The following CEBPA variants were observed in gnomAD, a reference collection of about 807,000 sequenced individuals.
CEBPA encodes the protein CCAAT/enhancer-binding protein alpha.
A neutral mutation model predicts 5.1 loss-of-function variants in CEBPA; 2 were observed. That is an observed-to-expected ratio of 0.39 (90% CI 0.16 to 1.23). The LOEUF is 1.23. CEBPA is among the 50% of genes most tolerant of loss of function. The pLI is 0.34. For missense variants in CEBPA, 455 were observed against 537.4 expected (o/e 0.85, Z 1.52); for synonymous variants, 275 against 264.1 (o/e 1.04, Z -0.40).
At position 33,301,548 on chromosome 19, in the gene CEBPA, G is replaced by C. The variant is rs1285276568; in HGVS notation, c.867C>G (p.Arg289=). 2.5e-6 allele frequency: 4 copies of C among 1,613,240 alleles called. No homozygotes were observed. Among genetic ancestry groups the C allele is most frequent in the Non-Finnish European group, 3.4e-6 (4 of 1,179,786 alleles). The stretch of plus-strand genomic sequence containing the variant: ...TGCGCACCGCGATGTTGTTGCGCTC[G>C]CGCCGCACCCGGTACTCGTTGCTGT... The part of the protein sequence containing the change: ...DKNSNEYRVR[R]ERNNIAVRKS... The change falls in exon 1 of 1, where the codon CGC becomes CGG. Residue 289 remains arginine (R), a synonymous_variant. Coordinates refer to ENST00000498907, the MANE Select transcript of CEBPA (RefSeq NM_004364.5). The surrounding 1 kb of genome is among the most constrained non-coding windows in gnomAD (Gnocchi z 6.0).
Position 33,301,825 on chromosome 19 carries a change from G to GGCGGGT in CEBPA, c.584_589dup (p.His195_Pro196dup), listed in dbSNP as rs762459325. ...GTGCGGGGCGGCCAGGTGCGCGGGC[G>GGCGGGT]GCGGGTGCGGGTGCGGGTGCGAGGG... On this transcript the variant is annotated inframe_insertion, in exon 1 of 1. Transcript: ENST00000498907. This position sits in a 1 kb window ranked among gnomAD's most constrained non-coding sequence, Gnocchi z 6.0. 0.028 allele frequency: 35,631 copies of GGCGGGT among 1,262,426 alleles called. 862 individuals are homozygous for GGCGGGT. Among genetic ancestry groups the GGCGGGT allele is most frequent in the East Asian group, 0.19 (5,370 of 28,576 alleles). The allele number at this position is 1,262,426 out of a possible 1,614,324, so 78.2% of individuals were successfully genotyped here.
In CEBPA at chr19:33,300,574, C is replaced by CACCAGGGGTAT. The variant is rs1490567012; in HGVS notation, c.*753_*763dup. ...GCCAGATCTCTAGGTCTCCCTCTCC[C>CACCAGGGGTAT]ACCAGGGGTATACATCCTCAGAGCT... is the stretch of plus-strand genomic sequence containing the variant. On this transcript the variant is annotated 3_prime_UTR_variant, in exon 1 of 1. Coordinates refer to ENST00000498907, the MANE Select transcript of CEBPA (RefSeq NM_004364.5). 4.3e-6 allele frequency: 1 copy of CACCAGGGGTAT among 233,704 alleles called. No individual in the cohort carries two copies. The highest frequency in any genetic ancestry group is 8.5e-6 in the Non-Finnish European group (1 of 118,148). 14.5% of individuals were successfully genotyped at this position (233,704 alleles called of 1,614,324 possible). A position where few individuals can be genotyped will look rare whatever the true frequency, so the allele number is the denominator to read the frequency against.
In CEBPA at chr19:33,302,061, G is replaced by A. The variant is rs1967188244; in HGVS notation, c.354C>T (p.Ala118=). The change falls in exon 1 of 1, where the codon GCC becomes GCT. Residue 118 remains alanine, a synonymous_variant. Coordinates refer to ENST00000498907, the MANE Select transcript of CEBPA (RefSeq NM_004364.5). ...GCCCGTGCGCTCCCCCGGGCATGAC[G>A]GCGCCGCCGGGGCCCGCGGGCGCGC... ...YPGAPAGPGG[A]VMPGGAHGPP... 1 of 1,216,522 alleles carries A rather than the reference G, an allele frequency of 8.2e-7. No individual in the cohort carries two copies. The highest frequency in any genetic ancestry group is 1.0e-6 in the Non-Finnish European group (1 of 973,572). The allele number at this position is 1,216,522 out of a possible 1,614,324, so 75.4% of individuals were successfully genotyped here.
chr19:33,300,375 A>G lies in CEBPA; in HGVS notation c.*963T>C, dbSNP rs879006824. 10 of 233,860 alleles carry G rather than the reference A, an allele frequency of 4.3e-5. No individual in the cohort carries two copies. The South Asian group carries it at 5.4e-4, about 13-fold the overall frequency. 14.5% of individuals were successfully genotyped at this position (233,860 alleles called of 1,614,324 possible). Reference sequence around the variant, plus strand: ...AAGGCACTGCTGGGGCACAGAGGCCAGATACAAGTGTTGATATCGGCTGAT... The same window carrying G: ...AAGGCACTGCTGGGGCACAGAGGCCGGATACAAGTGTTGATATCGGCTGAT... On this transcript the variant is annotated 3_prime_UTR_variant, in exon 1 of 1. Transcript: ENST00000498907.
chr19:33,302,093 A>T lies in CEBPA; in HGVS notation c.322T>A (p.Tyr108Asn), dbSNP rs1245991358. 7.6e-7 allele frequency: 1 copy of T among 1,310,376 alleles called. No individual in the cohort carries two copies. The highest frequency in any genetic ancestry group is 3.3e-5 in the East Asian group (1 of 30,206). The allele number at this position is 1,310,376 out of a possible 1,614,324, so 81.2% of individuals were successfully genotyped here. Residue 108 changes from tyrosine to asparagine, a missense_variant, in exon 1 of 1, where the codon TAC becomes AAC. This residue lies in a region of CEBPA where 15 missense variants were observed against 39.7 expected (regional missense o/e 0.38). Coordinates refer to ENST00000498907, the MANE Select transcript of CEBPA (RefSeq NM_004364.5). The part of the protein sequence containing the change: ...TGGGGGGDFD[Y>N]PGAPAGPGGA... ...CCGGGGCCCGCGGGCGCGCCCGGGTAGTCAAAGTCGCCGCCGCCGCCGCCG... is the reference window on the plus strand; with the variant it reads ...CCGGGGCCCGCGGGCGCGCCCGGGTTGTCAAAGTCGCCGCCGCCGCCGCCG...
rs878854700 is a variant in CEBPA, at chr19:33,302,163, G to C, written c.252C>G (p.His84Gln). ...NDEFLADLFQHSRQQEKAKAA... is the reference protein window; with the variant it reads ...NDEFLADLFQQSRQQEKAKAA... ...CCTTGGCCTTCTCCTGCTGCCGGCT[G>C]TGCTGGAACAGGTCGGCCAGGAACT... Residue 84 changes from histidine to glutamine, a missense_variant, in exon 1 of 1, where the codon CAC (histidine) becomes CAG (glutamine). By Grantham distance (24) the His-to-Gln change is conservative. Transcript: ENST00000498907. 27 of 1,472,820 alleles carry C rather than the reference G, an allele frequency of 1.8e-5. No homozygotes were observed. Among genetic ancestry groups the C allele is most frequent in the Middle Eastern group, 3.5e-4 (2 of 5,684 alleles). The allele number at this position is 1,472,820 out of a possible 1,614,324, so 91.2% of individuals were successfully genotyped here.
chr19:33,301,333 G>T lies in CEBPA; in HGVS notation c.*5C>A. The T allele has an allele frequency of 5.7e-6, 9 of 1,587,960 alleles. No individual in the cohort carries two copies. Among genetic ancestry groups the T allele is most frequent in the Non-Finnish European group, 7.7e-6 (9 of 1,172,764 alleles). Reference sequence around the variant, plus strand: ...TGGCCCAGGGCGGTCCCACAGCCGCGCGCCTCACGCGCAGTTGCCCATGGC... The same window carrying T: ...TGGCCCAGGGCGGTCCCACAGCCGCTCGCCTCACGCGCAGTTGCCCATGGC... On this transcript the variant is annotated 3_prime_UTR_variant, in exon 1 of 1. Coordinates refer to ENST00000498907, the MANE Select transcript of CEBPA (RefSeq NM_004364.5). The surrounding 1 kb of genome is among the most constrained non-coding windows in gnomAD (Gnocchi z 6.0).
At position 33,301,584 on chromosome 19, in the gene CEBPA, C is replaced by T. The variant is rs764419883; in HGVS notation, c.831G>A (p.Ser277=). The T allele has an allele frequency of 2.5e-6, 4 of 1,610,536 alleles. No individual in the cohort carries two copies. The highest frequency in any genetic ancestry group is 3.4e-6 in the Non-Finnish European group (4 of 1,179,140). ...GGTACTCGTTGCTGTTCTTGTCCACCGACTTCTTGGCCTTGCCCGCGCCGC... is the reference window on the plus strand; with the variant it reads ...GGTACTCGTTGCTGTTCTTGTCCACTGACTTCTTGGCCTTGCCCGCGCCGC... ...GGSGAGKAKK[S]VDKNSNEYRV... is the part of the protein sequence containing the mutation. Residue 277 remains serine (S), a synonymous_variant, in exon 1 of 1, where the codon TCG becomes TCA. Coordinates refer to ENST00000498907, the MANE Select transcript of CEBPA (RefSeq NM_004364.5). The surrounding 1 kb of genome is among the most constrained non-coding windows in gnomAD (Gnocchi z 6.0).
At position 33,300,302 on chromosome 19, in the gene CEBPA, A is replaced by C. The variant is rs894134181; in HGVS notation, c.*1036T>G. 4.3e-6 allele frequency: 1 copy of C among 233,624 alleles called. No individual in the cohort carries two copies. Among genetic ancestry groups the C allele is most frequent in the Non-Finnish European group, 8.5e-6 (1 of 118,076 alleles). 14.5% of individuals were successfully genotyped at this position (233,624 alleles called of 1,614,324 possible). On this transcript the variant is annotated 3_prime_UTR_variant, in exon 1 of 1. Coordinates refer to ENST00000498907, the MANE Select transcript of CEBPA (RefSeq NM_004364.5). ...CGAGCAAAACCAAAACAAAACAAAA[A>C]CCAAATAAAATGGTGGTTTAGCAGA...
chr19:33,301,283 C>A lies in CEBPA; in HGVS notation c.*55G>T. ...GCCTCGAGATCCGGCGACCCCAAAC[C>A]ACTCCCTGGGTCCCCGCCGGAGGCT... On this transcript the variant is annotated 3_prime_UTR_variant, in exon 1 of 1. Transcript: ENST00000498907. This position sits in a 1 kb window ranked among gnomAD's most constrained non-coding sequence, Gnocchi z 6.0. 2.0e-6 allele frequency: 3 copies of A among 1,524,218 alleles called. No homozygotes were observed. Among genetic ancestry groups the A allele is most frequent in the Non-Finnish European group, 2.6e-6 (3 of 1,139,528 alleles). The allele number at this position is 1,524,218 out of a possible 1,614,324, so 94.4% of individuals were successfully genotyped here. A position where few individuals can be genotyped will look rare whatever the true frequency, so the allele number is the denominator to read the frequency against.
chr19:33,300,635 G>T lies in CEBPA; in HGVS notation c.*703C>A, dbSNP rs1020213190. On this transcript the variant is annotated 3_prime_UTR_variant, in exon 1 of 1. Transcript: ENST00000498907. The stretch of plus-strand genomic sequence containing the variant: ...CTAGCTTTCTGGTGTGACTCGGGGT[G>T]GGGGCTCCCACTGGTCACCTGGTGA... The T allele has an allele frequency of 1.3e-5, 3 of 233,530 alleles. No individual in the cohort carries two copies. Among genetic ancestry groups the T allele is most frequent in the African/African-American group, 2.2e-5 (1 of 45,334 alleles). 14.5% of individuals were successfully genotyped at this position (233,530 alleles called of 1,614,324 possible). A position where few individuals can be genotyped will look rare whatever the true frequency, so the allele number is the denominator to read the frequency against.
rs1967132688 is a variant in CEBPA at position 33,300,684 on chromosome 19, C to T, written c.*654G>A. 2 of 233,564 alleles carry T rather than the reference C, an allele frequency of 8.6e-6. No individual in the cohort carries two copies. The highest frequency in any genetic ancestry group is 8.5e-6 in the Non-Finnish European group (1 of 118,252). The allele number at this position is 233,564 out of a possible 1,614,324, so 14.5% of individuals were successfully genotyped here. ...GACCCCCATCGCAGTGAGTTCCGCCCCAAGGGGAAGCCCAGCCTATAGCAG... is the reference window on the plus strand; with the variant it reads ...GACCCCCATCGCAGTGAGTTCCGCCTCAAGGGGAAGCCCAGCCTATAGCAG... On this transcript the variant is annotated 3_prime_UTR_variant, in exon 1 of 1. Transcript: ENST00000498907.
In CEBPA at chr19:33,300,276, C is replaced by G. The variant is rs566231195; in HGVS notation, c.*1062G>C. The G allele has an allele frequency of 4.3e-6, 1 of 233,618 alleles. No individual in the cohort carries two copies. The highest frequency in any genetic ancestry group is 8.5e-6 in the Non-Finnish European group (1 of 118,076). The allele number at this position is 233,618 out of a possible 1,614,324, so 14.5% of individuals were successfully genotyped here. ...CGGAGAGTCTCATTTTGGCAAGTATCCGAGCAAAACCAAAACAAAACAAAA... is the reference window on the plus strand; with the variant it reads ...CGGAGAGTCTCATTTTGGCAAGTATGCGAGCAAAACCAAAACAAAACAAAA... On this transcript the variant is annotated 3_prime_UTR_variant, in exon 1 of 1. Transcript: ENST00000498907.
rs535297087 is a variant in CEBPA at position 33,300,291 on chromosome 19, A to C, written c.*1047T>G. 10 of 233,790 alleles carry C rather than the reference A, an allele frequency of 4.3e-5. No individual in the cohort carries two copies. The South Asian group carries it at 5.4e-4, about 13-fold the overall frequency. 14.5% of individuals were successfully genotyped at this position (233,790 alleles called of 1,614,324 possible). ...TGGCAAGTATCCGAGCAAAACCAAA[A>C]CAAAACAAAAACCAAATAAAATGGT... On this transcript the variant is annotated 3_prime_UTR_variant, in exon 1 of 1. Transcript: ENST00000498907.
rs41480346 is a variant in CEBPA at position 33,302,524 on chromosome 19, G to C, written c.-110C>G. ...TGCTCGCCCGCGCCCGCGCACCTCC[G>C]GGTCGCGAATGGCCCGGCCCGCGCC... On this transcript the variant is annotated 5_prime_UTR_variant, in exon 1 of 1. Transcript: ENST00000498907. 1.5e-6 allele frequency: 1 copy of C among 646,746 alleles called. No individual in the cohort carries two copies. 40.1% of individuals were successfully genotyped at this position (646,746 alleles called of 1,614,324 possible). A position where few individuals can be genotyped will look rare whatever the true frequency, so the allele number is the denominator to read the frequency against.
chr19:33,300,249 G>C lies in CEBPA; in HGVS notation c.*1089C>G, dbSNP rs945868668. ...GTCTCAGACCCTTCCCCCAGCTGCCGACGGAGAGTCTCATTTTGGCAAGTA... is the reference window on the plus strand; with the variant it reads ...GTCTCAGACCCTTCCCCCAGCTGCCCACGGAGAGTCTCATTTTGGCAAGTA... On this transcript the variant is annotated 3_prime_UTR_variant, in exon 1 of 1. Coordinates refer to ENST00000498907, the MANE Select transcript of CEBPA (RefSeq NM_004364.5). The C allele has an allele frequency of 8.6e-6, 2 of 233,610 alleles. No individual in the cohort carries two copies. The highest frequency in any genetic ancestry group is 8.5e-6 in the Non-Finnish European group (1 of 118,086). The allele number at this position is 233,610 out of a possible 1,614,324, so 14.5% of individuals were successfully genotyped here.
rs760372994 is a variant in CEBPA at position 33,301,405 on chromosome 19, G to A, written c.1010C>T (p.Thr337Met). Reference sequence around the variant, plus strand: ...CAGCTGGCGGAAGATGCCCCGCAGCGTGTCCAGTTCGCGGCTCAGCTGTTC... The same window carrying A: ...CAGCTGGCGGAAGATGCCCCGCAGCATGTCCAGTTCGCGGCTCAGCTGTTC... ...RVEQLSRELDTLRGIFRQLPE... is the reference protein window; with the variant it reads ...RVEQLSRELDMLRGIFRQLPE... Residue 337 changes from threonine (T) to methionine (M), a missense_variant, in exon 1 of 1, where the codon ACG (threonine) becomes ATG (methionine). Thr to Met is a moderately conservative substitution (Grantham distance 81). Coordinates refer to ENST00000498907, the MANE Select transcript of CEBPA (RefSeq NM_004364.5). This position sits in a 1 kb window ranked among gnomAD's most constrained non-coding sequence, Gnocchi z 6.0. The A allele has an allele frequency of 5.0e-6, 8 of 1,611,044 alleles. No individual in the cohort carries two copies. The East Asian group carries it at 1.6e-4, about 31-fold the overall frequency.
At position 33,300,449 on chromosome 19, in the gene CEBPA, G is replaced by A. The variant is rs922492617; in HGVS notation, c.*889C>T. The A allele has an allele frequency of 3.9e-5, 9 of 233,760 alleles. No homozygotes were observed. Among genetic ancestry groups the A allele is most frequent in the African/African-American group, 2.0e-4 (9 of 45,452 alleles). The allele number at this position is 233,760 out of a possible 1,614,324, so 14.5% of individuals were successfully genotyped here. On this transcript the variant is annotated 3_prime_UTR_variant, in exon 1 of 1. Transcript: ENST00000498907. ...GTCATAACTCCGGTCCCTCTGGGATGGACTGATCGTGCTTCGTGTTCCTAG... is the reference window on the plus strand; with the variant it reads ...GTCATAACTCCGGTCCCTCTGGGATAGACTGATCGTGCTTCGTGTTCCTAG...
Position 33,301,072 on chromosome 19 carries a change from T to C in CEBPA, c.*266A>G, listed in dbSNP as rs1967145278. On this transcript the variant is annotated 3_prime_UTR_variant, in exon 1 of 1. Transcript: ENST00000498907. The surrounding 1 kb of genome is among the most constrained non-coding windows in gnomAD (Gnocchi z 6.0). The stretch of plus-strand genomic sequence containing the variant: ...CAAGGCACAAGGTTATCCTAAATAC[T>C]AGAGTTGCCGGGCTCCCAGCTCAGC... 3.4e-6 allele frequency: 2 copies of C among 587,010 alleles called. No homozygotes were observed. The highest frequency in any genetic ancestry group is 3.7e-5 in the African/African-American group (2 of 53,708). 36.4% of individuals were successfully genotyped at this position (587,010 alleles called of 1,614,324 possible). A position where few individuals can be genotyped will look rare whatever the true frequency, so the allele number is the denominator to read the frequency against.
Sources: gnomAD v4.1 joint callset for allele counts on GRCh38, gnomAD v4.1.1 for gene constraint, gnomAD v4.1.1 regional missense constraint, Gnocchi (gnomAD v3.1) non-coding constraint, MANE v1.5 for transcripts, NCBI Gene and HGNC (gene_info 2026-07-23, HGNC 2026-07-21) for gene names.